The following PRKN variants were observed in gnomAD, a reference collection of about 807,000 sequenced individuals.
PRKN encodes parkin RBR E3 ubiquitin protein ligase, also known as E3 ubiquitin-protein ligase parkin.
Under a neutral mutation model 59.5 loss-of-function variants are expected in PRKN, and 56 were observed. The ratio of observed to expected loss-of-function variants is 0.94; its 90% confidence interval spans 0.76 to 1.18. The LOEUF (loss-of-function observed/expected upper bound fraction) is 1.18, where lower values mean the gene tolerates loss of function less well. PRKN is among the 50% of genes most tolerant of loss of function. PRKN has a pLI of 0.00. For missense variants in PRKN, 657 were observed against 596.4 expected (o/e 1.10, Z -1.06); for synonymous variants, 250 against 222.1 (o/e 1.13, Z -1.12).
At chr6:162,421,067 CCGCTTT>C (rs1451749551) in intron 2 of PRKN, among the ~76,000 whole-genome samples, 2 of 152,192 alleles carry the variant, frequency 1.3e-5, no homozygotes, top group Non-Finnish European at 2.9e-5. Flanking sequence ...CAGCTCACCA[CCGCTTT>C]CTTATGACCC....
intron 2 of PRKN, among the ~76,000 whole-genome samples, chr6:162,429,207 C>T (rs1789389718): frequency 6.6e-6 from 1 of 152,282 alleles, no homozygotes; most frequent in South Asian, 2.1e-4. Flanking sequence ...TGGGGGCTCC[C>T]TGATGCCCTC....
At chr6:161,586,649 A>C (rs1781533034) in intron 7 of PRKN, among the ~76,000 whole-genome samples, 1 of 152,216 alleles carries the variant, frequency 6.6e-6, no homozygotes. Context: ...ATATCCTTGC[A>C]TTCTTTCTGT....
chr6:162,282,988 C>T (rs1161250363), intron 2 of PRKN, among the ~76,000 whole-genome samples: 2 of 151,018 alleles, frequency 1.3e-5, no homozygotes, highest in African/African-American at 4.9e-5. Flanking sequence ...CTTTCTTTCT[C>T]TCTCTCTTTT....
intron 7 of PRKN, among the ~76,000 whole-genome samples, chr6:161,728,997 G>A (rs1284202650): frequency 3.3e-5 from 5 of 152,186 alleles, no homozygotes; most frequent in African/African-American, 7.2e-5. Context: ...GTGCCTAGAT[G>A]TACATCTAAA....
chr6:162,015,715 A>G (rs1397394546), intron 5 of PRKN, among the ~76,000 whole-genome samples: 1 of 152,196 alleles, frequency 6.6e-6, no homozygotes, highest in African/African-American at 2.4e-5. Context: ...TCAGATATAA[A>G]GAACATAATA....
chr6:162,054,783 G>T (rs1295166072), intron 4 of PRKN, among the ~76,000 whole-genome samples: 1 of 152,220 alleles, frequency 6.6e-6, no homozygotes, highest in African/African-American at 2.4e-5. Flanking sequence ...TGAAATATCA[G>T]TGTCAATTAT....
intron 1 of PRKN, among the ~76,000 whole-genome samples, chr6:162,537,920 C>T (rs369900057): frequency 1.1e-4 from 17 of 152,290 alleles, no homozygotes; most frequent in African/African-American, 3.8e-4. Context: ...TGCCTTCTCT[C>T]TTAAGTCTAC....
chr6:161,598,073 A>G (rs1358778072), intron 7 of PRKN, among the ~76,000 whole-genome samples: 1 of 152,214 alleles, frequency 6.6e-6, no homozygotes, highest in East Asian at 1.9e-4. Flanking sequence ...CTCTTGAGGA[A>G]AATAACATTG....
chr6:162,116,687 G>A (rs546657204), intron 4 of PRKN, among the ~76,000 whole-genome samples: 1 of 152,298 alleles, frequency 6.6e-6, no homozygotes, highest in African/African-American at 2.4e-5. Context: ...TATGTAAGGT[G>A]CTCACAGTCT....
intron 3 of PRKN, among the ~76,000 whole-genome samples, chr6:162,223,943 G>GGACT (rs1173122207): frequency 2.0e-5 from 3 of 152,022 alleles, no homozygotes; most frequent in African/African-American, 4.8e-5. Context: ...AGGGAATGAA[G>GGACT]GACTACAAAG....
chr6:161,874,976 T>TAAA lies in PRKN; in HGVS notation c.735-89069_735-89068insTTT, dbSNP rs1562356616. Among the ~76,000 whole-genome samples, 13 of 103,682 alleles carry TAAA rather than the reference T, an allele frequency of 1.3e-4. No homozygotes were observed. The East Asian group carries it at 3.9e-3, about 31-fold the overall frequency. 68.0% of individuals were successfully genotyped at this position (103,682 alleles called of 152,430 possible). On this transcript the variant is annotated intron_variant, in intron 6 of 11. Coordinates refer to ENST00000366898, the MANE Select transcript of PRKN (RefSeq NM_004562.3). ...TACTTTATATATAATATATAATTTA[T>TAAA]TATATTATATACTTTATATATAATA...
At position 162,262,519 on chromosome 6, in the gene PRKN, A is replaced by G. The variant is rs1779933448; in HGVS notation, c.412+6T>C. 3.1e-6 allele frequency: 5 copies of G among 1,614,040 alleles called. No homozygotes were observed. Among genetic ancestry groups the G allele is most frequent in the Non-Finnish European group, 2.5e-6 (3 of 1,180,002 alleles). On this transcript the variant is annotated splice_donor_region_variant and intron_variant, in intron 3 of 11. Coordinates refer to ENST00000366898, the MANE Select transcript of PRKN (RefSeq NM_004562.3). ...TGCTTTAATAATCTTAGAGCATTCC[A>G]ATTACCTGGACTTCCAGCTGGTGGT...
chr6:162,154,969 C>CAAA (rs1156918855), intron 4 of PRKN, among the ~76,000 whole-genome samples: 2 of 116,006 alleles, frequency 1.7e-5, no homozygotes, highest in African/African-American at 6.0e-5. Flanking sequence ...TCAGGTGATG[C>CAAA]AAAAAAAAAA....
At chr6:162,001,670 G>C (rs1431410910) in intron 5 of PRKN, among the ~76,000 whole-genome samples, 1 of 151,712 alleles carries the variant, frequency 6.6e-6, no homozygotes, top group Non-Finnish European at 1.5e-5. Flanking sequence ...GCATTAGTTA[G>C]GCCTTCCAGT....
intron 1 of PRKN, among the ~76,000 whole-genome samples, chr6:162,449,093 G>T (rs1244474507): frequency 6.6e-6 from 1 of 151,786 alleles, no homozygotes; most frequent in Admixed American, 6.6e-5. Flanking sequence ...CCTCATGTTG[G>T]CCAGGCTGGT....
chr6:161,465,811 C>T (rs1463172049), intron 9 of PRKN, among the ~76,000 whole-genome samples: 1 of 151,910 alleles, frequency 6.6e-6, no homozygotes, highest in East Asian at 1.9e-4. Context: ...TTCTTCTGGC[C>T]CATTCTCTTT....
At position 161,785,757 on chromosome 6, in the gene PRKN, A is replaced by G. The variant is rs373339463; in HGVS notation, c.871+15T>C. ...CATTAGCATTAGAGATGGAGAGAAA[A>G]CATGCTAGACTTACCCACACAAGGC... is the stretch of plus-strand genomic sequence containing the variant. On this transcript the variant is annotated intron_variant, in intron 7 of 11. Transcript: ENST00000366898. 13 of 1,613,318 alleles carry G rather than the reference A, an allele frequency of 8.1e-6. No homozygotes were observed. The highest frequency in any genetic ancestry group is 1.1e-5 in the Non-Finnish European group (13 of 1,179,502).
At chr6:161,916,830 G>A (rs564196131) in intron 6 of PRKN, among the ~76,000 whole-genome samples, 11 of 151,968 alleles carry the variant, frequency 7.2e-5, no homozygotes, top group South Asian at 2.1e-4. Flanking sequence ...GCGGAGTCGC[G>A]CTCTGTCACC....
chr6:161,741,338 A>C lies in PRKN; in HGVS notation c.871+44434T>G, dbSNP rs911944898. The stretch of plus-strand genomic sequence containing the variant: ...CCTCAAAATTGAAGTGTGGGAACAG[A>C]AGCATAAGAGTAACAAGACACTCGA... On this transcript the variant is annotated intron_variant, in intron 7 of 11. Transcript: ENST00000366898. Among the ~76,000 whole-genome samples, 79 of 152,208 alleles carry C rather than the reference A, an allele frequency of 5.2e-4. 1 individual carries two copies. The highest frequency in any genetic ancestry group is 1.9e-3 in the African/African-American group (79 of 41,448).
Sources: allele counts gnomAD v4.1 joint callset (sites outside exome capture counted in the v4.1 genomes callset), GRCh38; gene constraint gnomAD v4.1.1; transcripts MANE v1.5; gene names NCBI Gene and HGNC (gene_info 2026-07-23, HGNC 2026-07-21).